The following GAPVD1 variants were observed in gnomAD, a reference collection of about 807,000 sequenced individuals.
The protein encoded by GAPVD1 is GTPase activating protein and VPS9 domains 1, also known as GTPase-activating protein and VPS9 domain-containing protein 1.
Under a neutral mutation model 155.5 loss-of-function variants are expected in GAPVD1, and 35 were observed. The ratio of observed to expected loss-of-function variants is 0.23; its 90% CI spans 0.17 to 0.30. The LOEUF is 0.30. GAPVD1 is among the 10% of genes least tolerant of loss of function. The probability of loss-of-function intolerance (pLI) is 1.00; values close to 1 mark genes in which losing one functional copy is unlikely to be tolerated. For missense variants in GAPVD1, 1,429 were observed against 1,775.7 expected (o/e 0.80, Z 3.51); for synonymous variants, 636 against 619.7 (o/e 1.03, Z -0.39).
intron 2 of GAPVD1, among the ~76,000 whole-genome samples, chr9:125,273,375 G>C (rs781778915): frequency 6.6e-6 from 1 of 151,856 alleles, no homozygotes; most frequent in African/African-American, 2.4e-5. Context: ...TGCCCTTTTT[G>C]TGGCACTTAA....
chr9:125,325,747 G>A (rs1017282157), intron 11 of GAPVD1, among the ~76,000 whole-genome samples: 1 of 152,044 alleles, frequency 6.6e-6, no homozygotes, highest in African/African-American at 2.4e-5. Context: ...GTATTAATTA[G>A]GATTAAGTTT....
intron 16 of GAPVD1, 53 bp from the exon 17 acceptor site, chr9:125,337,168 C>CT (rs1429332216): frequency 6.2e-6 from 10 of 1,609,184 alleles, no homozygotes; most frequent in Non-Finnish European, 8.5e-6. Context: ...TTGTTAATGC[C>CT]TTTGTTAGAT....
Position 125,350,733 on chromosome 9 carries a change from T to C in GAPVD1, c.3430T>C (p.Leu1144=). 6.5e-7 allele frequency: 1 copy of C among 1,547,830 alleles called. No homozygotes were observed. Among genetic ancestry groups the C allele is most frequent in the South Asian group, 1.1e-5 (1 of 88,780 alleles). ...TTTAGACAATGAAATTGTATGCTTC[T>C]TAAAAGTTCAAATAGCTGAAGCAAT... ...DPEDNEIVCF[L]KVQIAEAINL... Residue 1144 remains leucine (L), a synonymous_variant, in exon 23 of 28, where the codon TTA becomes CTA. Transcript: ENST00000297933.
At chr9:125,308,017 GT>G in intron 8 of GAPVD1, 137 bp downstream of exon 8, 1 of 665,082 alleles carries the variant, frequency 1.5e-6, no homozygotes, top group Non-Finnish European at 2.7e-6. Context: ...TGGTATTTCA[GT>G]TTTTAGAAAT....
intron 2 of GAPVD1, among the ~76,000 whole-genome samples, chr9:125,269,752 CTG>C (rs1834585428): frequency 7.7e-6 from 1 of 130,284 alleles, no homozygotes; most frequent in Admixed American, 8.5e-5. Context: ...GAGTCTCACT[CTG>C]TTGCCCAGGC....
At chr9:125,295,012 G>A (rs562363073) in intron 2 of GAPVD1, among the ~76,000 whole-genome samples, 1 of 151,748 alleles carries the variant, frequency 6.6e-6, no homozygotes, top group East Asian at 1.9e-4. Context: ...ACAGAACTGA[G>A]TTTGTTTGAA....
intron 15 of GAPVD1, 30 bp from the exon 16 acceptor site, chr9:125,336,987 GC>G (rs1404456555): frequency 1.5e-6 from 2 of 1,301,924 alleles, no homozygotes; most frequent in African/African-American, 2.9e-5. Flanking sequence ...CTGCGTCCTG[GC>G]TTGGTCTCAC....
At chr9:125,268,027 G>A (rs1475270601) in intron 1 of GAPVD1, among the ~76,000 whole-genome samples, 1 of 152,000 alleles carries the variant, frequency 6.6e-6, no homozygotes, top group Non-Finnish European at 1.5e-5. Flanking sequence ...AGCTGGGCGT[G>A]GTGGCTCGCG....
At chr9:125,285,070 G>A (rs529573330) in intron 2 of GAPVD1, among the ~76,000 whole-genome samples, 1 of 152,316 alleles carries the variant, frequency 6.6e-6, no homozygotes, top group African/African-American at 2.4e-5. Flanking sequence ...GGTTGGCAGA[G>A]TTTTTCTGTG....
At chr9:125,331,234 T>C (rs1461970979) in intron 13 of GAPVD1, among the ~76,000 whole-genome samples, 1 of 151,512 alleles carries the variant, frequency 6.6e-6, no homozygotes, top group African/African-American at 2.4e-5. Context: ...GGAGTCTCAC[T>C]CTGTCACCCA....
chr9:125,298,071 G>A (rs1177713378), intron 3 of GAPVD1, among the ~76,000 whole-genome samples: 1 of 152,026 alleles, frequency 6.6e-6, no homozygotes, highest in Non-Finnish European at 1.5e-5. Context: ...AATTCACTAT[G>A]CTATGTAGAG....
intron 3 of GAPVD1, among the ~76,000 whole-genome samples, chr9:125,297,090 G>A (rs1478643484): frequency 6.6e-6 from 1 of 152,106 alleles, no homozygotes; most frequent in Admixed American, 6.6e-5. Context: ...TAGATTCAAG[G>A]GCATAGCTTA....
chr9:125,267,719 A>G (rs1834202104), intron 1 of GAPVD1, among the ~76,000 whole-genome samples: 1 of 151,728 alleles, frequency 6.6e-6, no homozygotes, highest in Admixed American at 6.6e-5. Context: ...AATTAAAAAA[A>G]GAATTTTTTT....
At chr9:125,345,038 C>A (rs569980006) in intron 19 of GAPVD1, among the ~76,000 whole-genome samples, 19 of 152,164 alleles carry the variant, frequency 1.2e-4, no homozygotes, top group African/African-American at 3.4e-4. Context: ...CTTGCCCCCC[C>A]ACTTCATACC....
intron 3 of GAPVD1, among the ~76,000 whole-genome samples, chr9:125,296,360 T>TTTTTTTTTTGTTG (rs1166898316): frequency 7.0e-6 from 1 of 143,158 alleles, no homozygotes; most frequent in Admixed American, 6.9e-5. Flanking sequence ...GTTCTTAGGT[T>TTTTTTTTTTGTTG]TTTTTTTTTT....
chr9:125,360,753 G>A, intron 27 of GAPVD1, 28 bp downstream of exon 27: 1 of 1,557,222 alleles, frequency 6.4e-7, no homozygotes, highest in African/African-American at 1.4e-5. Flanking sequence ...ATCAGTTAAG[G>A]AGTTATGTGG....
At chr9:125,353,704 G>A (rs979445697) in intron 23 of GAPVD1, among the ~76,000 whole-genome samples, 9 of 152,156 alleles carry the variant, frequency 5.9e-5, no homozygotes, top group African/African-American at 1.9e-4. Context: ...AGAGAAGAGA[G>A]CTTGTGCAGG....
Position 125,302,500 on chromosome 9 carries a change from T to G in GAPVD1, c.703T>G (p.Phe235Val). ...RFSPSQQEKL[F>V]GEKGSDRFRQ... Reference sequence around the variant, plus strand: ...CTCTCCATCTCAGCAGGAAAAACTCTTTGGAGAGAAGGGCTCAGATAGATT... The same window carrying G: ...CTCTCCATCTCAGCAGGAAAAACTCGTTGGAGAGAAGGGCTCAGATAGATT... The change falls in exon 5 of 28, where the codon TTT becomes GTT. Residue 235 changes from phenylalanine (F) to valine (V), a missense_variant. This residue lies in a region of GAPVD1 where 628 missense variants were observed against 733.4 expected (regional missense o/e 0.86). Transcript: ENST00000297933. 1 of 1,613,880 alleles carries G rather than the reference T, an allele frequency of 6.2e-7. No individual in the cohort carries two copies. The highest frequency in any genetic ancestry group is 1.1e-5 in the South Asian group (1 of 91,086).
chr9:125,314,375 G>T (rs1449300328), intron 9 of GAPVD1, among the ~76,000 whole-genome samples: 1 of 152,134 alleles, frequency 6.6e-6, no homozygotes, highest in Non-Finnish European at 1.5e-5. Flanking sequence ...TGAAAAGAAG[G>T]TCAGGCCTGG....
Sources: gnomAD v4.1 joint callset for allele counts (sites outside exome capture counted in the v4.1 genomes callset) on GRCh38, gnomAD v4.1.1 for gene constraint, gnomAD v4.1.1 regional missense constraint, MANE v1.5 for transcripts, NCBI Gene and HGNC (gene_info 2026-07-23, HGNC 2026-07-21) for gene names.